Variants in ARL15 observed in about 807,000 individuals in gnomAD.
The protein encoded by ARL15 is ARF like GTPase 15.
In ARL15, 19 loss-of-function variants were observed where a neutral mutation model predicts 25.2. The ratio of observed to expected loss-of-function variants is 0.75; its 90% CI spans 0.53 to 1.10. The LOEUF (loss-of-function observed/expected upper bound fraction) is 1.10. Ranked by LOEUF, ARL15 falls within the 50% of genes least tolerant of loss-of-function variation. The probability of loss-of-function intolerance (pLI) is 0.00; values close to 1 mark genes in which losing one functional copy is unlikely to be tolerated. For missense variants in ARL15, 220 were observed against 246.0 expected, an observed-to-expected ratio of 0.89 and a Z score of 0.71; for synonymous variants, 94 against 86.8, an observed-to-expected ratio of 1.08 and a Z score of -0.46.
At chr5:54,049,861 G>A (rs894129531) in intron 4 of ARL15, among the ~76,000 whole-genome samples, 6 of 151,954 alleles carry the variant, frequency 3.9e-5, no homozygotes, top group African/African-American at 7.3e-5. Flanking sequence ...CATGAGCCAC[G>A]ACTCCCAGCC....
chr5:54,152,224 C>T (rs1311063411), intron 3 of ARL15, among the ~76,000 whole-genome samples: 1 of 152,140 alleles, frequency 6.6e-6, no homozygotes, highest in East Asian at 1.9e-4. Flanking sequence ...CAAGCAACTC[C>T]CTCTCAGACA....
chr5:54,176,035 C>G (rs939305799), intron 1 of ARL15, among the ~76,000 whole-genome samples: 11 of 152,160 alleles, frequency 7.2e-5, no homozygotes, highest in Non-Finnish European at 1.2e-4. Flanking sequence ...ATAAGGACAT[C>G]CAACATGACA....
chr5:54,047,782 T>C (rs572794168), intron 4 of ARL15, among the ~76,000 whole-genome samples: 8 of 152,340 alleles, frequency 5.3e-5, no homozygotes, highest in African/African-American at 1.7e-4. Flanking sequence ...ATCATGCATT[T>C]AATTATGTTA....
chr5:53,930,234 C>T (rs558791581), intron 4 of ARL15, among the ~76,000 whole-genome samples: 3 of 152,122 alleles, frequency 2.0e-5, no homozygotes, highest in Non-Finnish European at 2.9e-5. Flanking sequence ...AGTGAAGAGA[C>T]AGACACACTT....
At chr5:54,267,322 A>G (rs893118082) in intron 1 of ARL15, among the ~76,000 whole-genome samples, 2 of 152,080 alleles carry the variant, frequency 1.3e-5, no homozygotes, top group African/African-American at 2.4e-5. Context: ...CGATCTCCCG[A>G]CCTTGTGATC....
chr5:54,069,355 C>G (rs2662591), intron 4 of ARL15, among the ~76,000 whole-genome samples: 152,148 of 152,148 alleles, frequency 1, 76,074 homozygotes, highest in Non-Finnish European at 1. Flanking sequence ...TGGATCACCT[C>G]AGGTCAGGAG....
intron 4 of ARL15, among the ~76,000 whole-genome samples, chr5:53,989,081 A>G (rs963953614): frequency 6.6e-6 from 1 of 152,156 alleles, no homozygotes; most frequent in East Asian, 1.9e-4. Flanking sequence ...TGGATAATTG[A>G]AAGAGTCCAG....
chr5:53,915,720 A>G (rs1745620337), intron 4 of ARL15, among the ~76,000 whole-genome samples: 1 of 152,224 alleles, frequency 6.6e-6, no homozygotes, highest in African/African-American at 2.4e-5. Flanking sequence ...AATGTAAAAT[A>G]AGCATCCCTG....
At chr5:54,228,350 G>T (rs1472017390) in intron 1 of ARL15, among the ~76,000 whole-genome samples, 1 of 152,120 alleles carries the variant, frequency 6.6e-6, no homozygotes, top group Non-Finnish European at 1.5e-5. Flanking sequence ...AACCAAAATT[G>T]TAACTAAATC....
chr5:54,191,954 C>T (rs11955545), intron 1 of ARL15, among the ~76,000 whole-genome samples: 31,753 of 151,956 alleles, frequency 0.21, 3,860 homozygotes, highest in African/African-American at 0.33. Context: ...ATAAAATCTG[C>T]CTCCTTCCTC....
At chr5:54,153,797 C>CG (rs1561244946) in intron 3 of ARL15, among the ~76,000 whole-genome samples, 104 of 152,206 alleles carry the variant, frequency 6.8e-4, no homozygotes, top group African/African-American at 2.4e-3. Flanking sequence ...AAATAGGTCA[C>CG]AGTTAGAATG....
chr5:54,260,785 T>C (rs1213154271), intron 1 of ARL15, among the ~76,000 whole-genome samples: 4 of 152,178 alleles, frequency 2.6e-5, no homozygotes, highest in Non-Finnish European at 5.9e-5. Context: ...CCAGCCCTCT[T>C]GTTTTACAGA....
chr5:54,129,246 G>C (rs1753360204), intron 3 of ARL15, among the ~76,000 whole-genome samples: 1 of 151,958 alleles, frequency 6.6e-6, no homozygotes, highest in African/African-American at 2.4e-5. Flanking sequence ...AAGAACCATG[G>C]GACAGCCAAC....
intron 4 of ARL15, among the ~76,000 whole-genome samples, chr5:54,062,266 A>C (rs1464372392): frequency 6.6e-6 from 1 of 152,118 alleles, no homozygotes; most frequent in Non-Finnish European, 1.5e-5. Flanking sequence ...CTTTTGAGTT[A>C]ATGCTGAAAT....
At chr5:53,976,041 G>A (rs755424157) in intron 4 of ARL15, among the ~76,000 whole-genome samples, 4 of 152,144 alleles carry the variant, frequency 2.6e-5, no homozygotes, top group Admixed American at 2.0e-4. Flanking sequence ...TTTATTGGAA[G>A]GAAAGAAATT....
chr5:54,158,243 C>A (rs751199574), intron 2 of ARL15, among the ~76,000 whole-genome samples: 6 of 152,158 alleles, frequency 3.9e-5, no homozygotes, highest in African/African-American at 7.2e-5. Flanking sequence ...TCTTCCTATT[C>A]CATTTATTAA....
intron 1 of ARL15, among the ~76,000 whole-genome samples, chr5:54,180,575 T>A (rs990223488): frequency 3.3e-5 from 5 of 152,044 alleles, no homozygotes; most frequent in African/African-American, 1.2e-4. Context: ...AACAACAAAT[T>A]GTTTTTATAG....
At position 53,994,301 on chromosome 5, in the gene ARL15, T is replaced by C. The variant is rs79972160; in HGVS notation, c.463-107588A>G. Among the ~76,000 whole-genome samples, 814 of 152,352 alleles carry C rather than the reference T, an allele frequency of 5.3e-3. 7 individuals are homozygous for C. The highest frequency in any genetic ancestry group is 0.019 in the African/African-American group (799 of 41,578). On this transcript the variant is annotated intron_variant, in intron 4 of 4. Transcript: ENST00000504924. ...GCTTCTGACTAATGCAATGATGCAA[T>C]GTAATACTACCAAATTCTTTCATCA...
At position 54,096,400 on chromosome 5, in the gene ARL15, ACATTT is replaced by A. The variant is rs984673846; in HGVS notation, c.462+16797_462+16801del. Among the ~76,000 whole-genome samples, 7 of 152,176 alleles carry A rather than the reference ACATTT, an allele frequency of 4.6e-5. 1 individual carries two copies. The South Asian group carries it at 8.3e-4, about 18-fold the overall frequency. ...AAGTTGTTTTGTTAAATGAGCAATGACATTTCATTTCATTTCATTTTTTATTTTTT... is the reference window on the plus strand; with the variant it reads ...AAGTTGTTTTGTTAAATGAGCAATGACATTTCATTTCATTTTTTATTTTTT... On this transcript the variant is annotated intron_variant, in intron 4 of 4. Coordinates refer to ENST00000504924, the MANE Select transcript of ARL15 (RefSeq NM_019087.3).
Sources: gnomAD v4.1 joint callset for allele counts (sites outside exome capture counted in the v4.1 genomes callset) on GRCh38, gnomAD v4.1.1 for gene constraint, MANE v1.5 for transcripts, NCBI Gene and HGNC (gene_info 2026-07-23, HGNC 2026-07-21) for gene names.